The following DGKG variants were observed in gnomAD, a reference collection of about 807,000 sequenced individuals.
DGKG encodes DAG kinase gamma.
Under a neutral mutation model 105.3 loss-of-function variants are expected in DGKG, and 78 were observed. The observed-to-expected ratio is 0.74, with a 90% CI of 0.62 to 0.89. DGKG has a LOEUF of 0.89. Ranked by LOEUF, DGKG falls within the 40% of genes least tolerant of loss-of-function variation. The pLI, the probability that DGKG is intolerant of heterozygous loss-of-function variation, is 0.00. For missense variants in DGKG, 958 were observed against 1,020.1 expected, an observed-to-expected ratio of 0.94 and a Z score of 0.83; for synonymous variants, 346 against 367.1, an observed-to-expected ratio of 0.94 and a Z score of 0.66.
In DGKG at chr3:186,361,161, G is replaced by T. The variant is rs934260617; in HGVS notation, c.-249+785C>A. Among the ~76,000 whole-genome samples, 10 of 152,212 alleles carry T rather than the reference G, an allele frequency of 6.6e-5. No homozygotes were observed. The highest frequency in any genetic ancestry group is 5.9e-4 in the Admixed American group (9 of 15,288). On this transcript the variant is annotated intron_variant, in intron 1 of 24. Coordinates refer to ENST00000265022, the MANE Select transcript of DGKG (RefSeq NM_001346.3). The surrounding 1 kb of genome is among the most constrained non-coding windows in gnomAD (Gnocchi z 6.8). ...GTCCCAAGCTTTCCACTGCAGTGAT[G>T]GTGGGGATGGGGGCAGCACGTCAAA...
chr3:186,229,935 G>A (rs1014613507), intron 20 of DGKG, among the ~76,000 whole-genome samples: 9 of 152,164 alleles, frequency 5.9e-5, no homozygotes, highest in African/African-American at 1.9e-4. Flanking sequence ...GACAAAGAGG[G>A]TGCAGCAAAG....
chr3:186,155,254 G>A (rs1034466038), intron 24 of DGKG, among the ~76,000 whole-genome samples: 4 of 152,154 alleles, frequency 2.6e-5, no homozygotes, highest in South Asian at 2.1e-4. Flanking sequence ...GTGCAACGGC[G>A]TGATCTCGGC....
intron 20 of DGKG, among the ~76,000 whole-genome samples, chr3:186,212,861 G>A (rs1719098517): frequency 6.6e-6 from 1 of 152,188 alleles, no homozygotes; most frequent in Non-Finnish European, 1.5e-5. Flanking sequence ...ATTCTTCTTG[G>A]CACTCAGAAG....
Position 186,267,781 on chromosome 3 carries a change from G to C in DGKG, c.1117-4C>G, listed in dbSNP as rs778303006. 1.2e-5 allele frequency: 20 copies of C among 1,613,334 alleles called. No individual in the cohort carries two copies. Among genetic ancestry groups the C allele is most frequent in the Admixed American group, 1.7e-5 (1 of 59,988 alleles). Reference sequence around the variant, plus strand: ...ATAATTCACATTTGCGGTGAAACTGGGGGGAGAAATGAAAAAGAGAGTGAG... The same window carrying C: ...ATAATTCACATTTGCGGTGAAACTGCGGGGAGAAATGAAAAAGAGAGTGAG... On this transcript the variant is annotated splice_region_variant and splice_polypyrimidine_tract_variant and intron_variant, in intron 12 of 24. Coordinates refer to ENST00000265022, the MANE Select transcript of DGKG (RefSeq NM_001346.3).
At position 186,253,082 on chromosome 3, in the gene DGKG, T is replaced by G; in HGVS notation, c.1600+11A>C. On this transcript the variant is annotated intron_variant, in intron 18 of 24. Transcript: ENST00000265022. ...TGTTCCCAGGGTACCACCATTAGCA[T>G]GCAAACTCACCTCCTCCCCAGCGGA... 1 of 1,613,722 alleles carries G rather than the reference T, an allele frequency of 6.2e-7. No individual in the cohort carries two copies. Among genetic ancestry groups the G allele is most frequent in the African/African-American group, 1.3e-5 (1 of 75,042 alleles).
intron 1 of DGKG, among the ~76,000 whole-genome samples, chr3:186,326,348 G>T (rs1042392916): frequency 6.6e-6 from 1 of 151,448 alleles, no homozygotes; most frequent in Non-Finnish European, 1.5e-5. Context: ...GCAGCGAGCC[G>T]AGATCCTGCC....
At chr3:186,325,375 C>T (rs974965415) in intron 1 of DGKG, among the ~76,000 whole-genome samples, 1 of 152,084 alleles carries the variant, frequency 6.6e-6, no homozygotes, top group African/African-American at 2.4e-5. Flanking sequence ...ACAAACTTGC[C>T]CCTGTACCCC....
chr3:186,158,702 C>T, intron 24 of DGKG: 2 of 969,614 alleles, frequency 2.1e-6, no homozygotes, highest in Non-Finnish European at 2.5e-6. Flanking sequence ...AAGATGGAAA[C>T]AAATATTTTC....
chr3:186,183,509 G>C (rs1249766543), intron 22 of DGKG, among the ~76,000 whole-genome samples: 1 of 151,902 alleles, frequency 6.6e-6, no homozygotes. Flanking sequence ...TTTCTTGGGG[G>C]GGGGCGGGGT....
intron 22 of DGKG, among the ~76,000 whole-genome samples, chr3:186,184,808 C>T (rs996721017): frequency 6.6e-6 from 1 of 152,030 alleles, no homozygotes; most frequent in Non-Finnish European, 1.5e-5. Flanking sequence ...CCTCCAACTC[C>T]AATGAAACTG....
At position 186,148,991 on chromosome 3, in the gene DGKG, A is replaced by T; in HGVS notation, c.*1099T>A. ...TATATATATATAAATATATAGGCTA[A>T]ATATATATATATACACGCACACACA... On this transcript the variant is annotated 3_prime_UTR_variant, in exon 25 of 25. Transcript: ENST00000265022. The T allele has an allele frequency of 1.3e-6, 1 of 775,880 alleles. No individual in the cohort carries two copies. Among genetic ancestry groups the T allele is most frequent in the Non-Finnish European group, 1.6e-6 (1 of 642,228 alleles). 48.1% of individuals were successfully genotyped at this position (775,880 alleles called of 1,614,324 possible). A position where few individuals can be genotyped will look rare whatever the true frequency, so the allele number is the denominator to read the frequency against.
Position 186,231,690 on chromosome 3 carries a change from G to A in DGKG, c.1826+10814C>T, listed in dbSNP as rs995516739. Among the ~76,000 whole-genome samples the A allele has an allele frequency of 6.6e-6, 1 of 152,118 alleles. No individual in the cohort carries two copies. Among genetic ancestry groups the A allele is most frequent in the Non-Finnish European group, 1.5e-5 (1 of 68,024 alleles). On this transcript the variant is annotated intron_variant, in intron 20 of 24. Transcript: ENST00000265022. This position sits in a 1 kb window ranked among gnomAD's most constrained non-coding sequence, Gnocchi z 4.5. Reference sequence around the variant, plus strand: ...TCCCAGCACTTTGGGAAGCCTAGGTGGTTGGATCAACTGAGGTCAGGAGTT... The same window carrying A: ...TCCCAGCACTTTGGGAAGCCTAGGTAGTTGGATCAACTGAGGTCAGGAGTT...
At chr3:186,281,918 G>C (rs1039767987) in intron 7 of DGKG, among the ~76,000 whole-genome samples, 1 of 152,166 alleles carries the variant, frequency 6.6e-6, no homozygotes, top group African/African-American at 2.4e-5. Flanking sequence ...AGAATCATAG[G>C]GGACGGATTC....
At chr3:186,177,608 C>T (rs1076493) in intron 22 of DGKG, among the ~76,000 whole-genome samples, 14,057 of 152,156 alleles carry the variant, frequency 0.092, 1,997 homozygotes, top group African/African-American at 0.3. Context: ...TAGTAGATTG[C>T]CAACTACTTG....
intron 1 of DGKG, among the ~76,000 whole-genome samples, chr3:186,324,902 A>G (rs1725262278): frequency 6.6e-6 from 1 of 152,290 alleles, no homozygotes. Flanking sequence ...TGTTCATCAC[A>G]GCACTATTCA....
intron 13 of DGKG, among the ~76,000 whole-genome samples, chr3:186,265,566 C>G (rs1488425386): frequency 6.6e-6 from 1 of 151,650 alleles, no homozygotes; most frequent in Non-Finnish European, 1.5e-5. Flanking sequence ...GTGGGGAGCA[C>G]TGAAAGTGGC....
rs552915749 is a variant in DGKG at position 186,361,996 on chromosome 3, C to T, written c.-299G>A. ...GGTGGCCCGGGGCGCTCCTTCTTCG[C>T]GGTTTATTCCCTTACTTGGGAGGAA... is the stretch of plus-strand genomic sequence containing the variant. On this transcript the variant is annotated 5_prime_UTR_variant, in exon 1 of 25. Transcript: ENST00000265022. This position sits in a 1 kb window ranked among gnomAD's most constrained non-coding sequence, Gnocchi z 6.8. 2 of 152,374 alleles carry T rather than the reference C, an allele frequency of 1.3e-5. No homozygotes were observed. The highest frequency in any genetic ancestry group is 4.8e-5 in the African/African-American group (2 of 41,564). 9.4% of individuals were successfully genotyped at this position (152,374 alleles called of 1,614,324 possible). A position where few individuals can be genotyped will look rare whatever the true frequency, so the allele number is the denominator to read the frequency against.
intron 13 of DGKG, among the ~76,000 whole-genome samples, chr3:186,265,575 G>T (rs925018766): frequency 6.6e-6 from 1 of 152,040 alleles, no homozygotes; most frequent in African/African-American, 2.4e-5. Flanking sequence ...ACTGAAAGTG[G>T]CAGAATTCCA....
At chr3:186,248,035 A>G (rs1251860481) in intron 19 of DGKG, among the ~76,000 whole-genome samples, 1 of 145,388 alleles carries the variant, frequency 6.9e-6, no homozygotes, top group South Asian at 2.2e-4. Flanking sequence ...CTTTTTTCCT[A>G]CTTTTTTTGC....
Sources: gnomAD v4.1 joint callset for allele counts (sites outside exome capture counted in the v4.1 genomes callset) on GRCh38, gnomAD v4.1.1 for gene constraint, Gnocchi (gnomAD v3.1) non-coding constraint, MANE v1.5 for transcripts, NCBI Gene and HGNC (gene_info 2026-07-23, HGNC 2026-07-21) for gene names.